Variants in SLC39A11 observed in about 807,000 individuals in gnomAD.
SLC39A11 encodes solute carrier family 39 member 11.
In SLC39A11, 33 loss-of-function variants were observed where a neutral mutation model predicts 36.1. The ratio of observed to expected loss-of-function variants is 0.91; its 90% confidence interval spans 0.69 to 1.22. The LOEUF is 1.22. SLC39A11 is among the 50% of genes most tolerant of loss of function. The pLI is 0.00. For synonymous variants in SLC39A11, 166 were observed against 170.3 expected (o/e 0.97, Z 0.20); for missense variants, 432 against 430.3 (o/e 1.00, Z -0.03).
rs140385271 is a variant in SLC39A11 at position 72,802,068 on chromosome 17, C to T, written c.601+47566G>A. On this transcript the variant is annotated intron_variant, in intron 6 of 9. Transcript: ENST00000255559. ...CTGGCCTACAGAAGGTTCGATGCAG[C>T]GCAGCTCTGATTAAGGGGATTAAGG... Among the ~76,000 whole-genome samples the T allele has an allele frequency of 1.1e-3, 161 of 152,300 alleles. 1 individual carries two copies. The South Asian group carries it at 0.013, about 12-fold the overall frequency.
At chr17:73,026,310 G>C (rs1038260350) in intron 4 of SLC39A11, among the ~76,000 whole-genome samples, 4 of 151,902 alleles carry the variant, frequency 2.6e-5, no homozygotes, top group Non-Finnish European at 5.9e-5. Context: ...GATTACCTGA[G>C]GTCAGGAGTT....
At chr17:72,707,590 G>A (rs928306092) in intron 7 of SLC39A11, among the ~76,000 whole-genome samples, 17 of 152,128 alleles carry the variant, frequency 1.1e-4, no homozygotes, top group South Asian at 2.1e-4. Context: ...AAATATTGAA[G>A]AACTCCTGTG....
At chr17:72,935,757 T>G (rs979613257) in intron 5 of SLC39A11, among the ~76,000 whole-genome samples, 2 of 152,040 alleles carry the variant, frequency 1.3e-5, no homozygotes, top group Non-Finnish European at 2.9e-5. Flanking sequence ...TAATTTTTTT[T>G]GTATTTTCGT....
intron 5 of SLC39A11, among the ~76,000 whole-genome samples, chr17:72,907,385 G>A (rs1214188264): frequency 6.6e-6 from 1 of 152,204 alleles, no homozygotes; most frequent in East Asian, 1.9e-4. Flanking sequence ...AGCTACTCGG[G>A]AGGCTGAGGC....
At chr17:72,852,452 A>C (rs180835033) in intron 5 of SLC39A11, among the ~76,000 whole-genome samples, 1 of 152,100 alleles carries the variant, frequency 6.6e-6, no homozygotes, top group Non-Finnish European at 1.5e-5. Context: ...CCTGACTCAC[A>C]TAACCAGCCT....
intron 5 of SLC39A11, among the ~76,000 whole-genome samples, chr17:72,878,773 T>A (rs994820011): frequency 6.6e-6 from 1 of 151,644 alleles, no homozygotes; most frequent in Non-Finnish European, 1.5e-5. Context: ...CAACATGGAG[T>A]GGGGGTAATT....
chr17:72,731,713 TTTTG>T (rs55797288), intron 7 of SLC39A11, among the ~76,000 whole-genome samples: 7,503 of 150,090 alleles, frequency 0.05, 187 homozygotes, highest in African/African-American at 0.063. Context: ...GCATTCCTTT[TTTTG>T]TTTGTTTGTT....
chr17:72,731,545 T>A (rs886179465), intron 7 of SLC39A11, among the ~76,000 whole-genome samples: 1 of 152,218 alleles, frequency 6.6e-6, no homozygotes, highest in Non-Finnish European at 1.5e-5. Flanking sequence ...TGCAGTTTTT[T>A]TTTTTAAATA....
chr17:73,037,374 G>A (rs1373155821), intron 3 of SLC39A11, among the ~76,000 whole-genome samples: 1 of 152,198 alleles, frequency 6.6e-6, no homozygotes, highest in Non-Finnish European at 1.5e-5. Context: ...TTAAATCTGG[G>A]TGTAGTGACA....
chr17:72,730,900 G>A (rs182402139), intron 7 of SLC39A11, among the ~76,000 whole-genome samples: 21 of 152,174 alleles, frequency 1.4e-4, no homozygotes, highest in Admixed American at 3.3e-4. Flanking sequence ...ATAGGTGTGC[G>A]CCACCACGTC....
chr17:72,681,000 A>G (rs2071488300), intron 7 of SLC39A11, among the ~76,000 whole-genome samples: 1 of 152,086 alleles, frequency 6.6e-6, no homozygotes, highest in Admixed American at 6.5e-5. Flanking sequence ...GGATTGCAGT[A>G]GCACAATCTT....
At chr17:72,929,296 CT>C (rs2084242036) in intron 5 of SLC39A11, among the ~76,000 whole-genome samples, 1 of 152,176 alleles carries the variant, frequency 6.6e-6, no homozygotes, top group Non-Finnish European at 1.5e-5. Context: ...CACTTAGGGG[CT>C]GCGGACCAGC....
intron 5 of SLC39A11, among the ~76,000 whole-genome samples, chr17:72,857,579 G>GTTGAACTAAT (rs2079714315): frequency 6.6e-6 from 1 of 152,164 alleles, no homozygotes; most frequent in African/African-American, 2.4e-5. Context: ...TTCAACAACG[G>GTTGAACTAAT]TTGAACTAAT....
chr17:72,981,594 C>CAAAA (rs11444135), intron 4 of SLC39A11, among the ~76,000 whole-genome samples: 18 of 131,238 alleles, frequency 1.4e-4, no homozygotes, highest in African/African-American at 2.5e-4. Flanking sequence ...TATTTAAATG[C>CAAAA]AAAAAAAAAA....
At chr17:72,682,114 A>C (rs2071534578) in intron 7 of SLC39A11, among the ~76,000 whole-genome samples, 1 of 152,200 alleles carries the variant, frequency 6.6e-6, no homozygotes, top group South Asian at 2.1e-4. Flanking sequence ...CAAGGGACCT[A>C]CGTTGTGATG....
At chr17:72,944,318 G>A (rs2085290839) in intron 5 of SLC39A11, among the ~76,000 whole-genome samples, 1 of 152,096 alleles carries the variant, frequency 6.6e-6, no homozygotes, top group Non-Finnish European at 1.5e-5. Context: ...ATATTTAAAT[G>A]GGGAAATTAA....
chr17:72,904,099 T>A (rs1278520333), intron 5 of SLC39A11, among the ~76,000 whole-genome samples: 2 of 152,078 alleles, frequency 1.3e-5, no homozygotes, highest in African/African-American at 2.4e-5. Flanking sequence ...GGAGGGCAGA[T>A]GACACAGAAA....
At chr17:73,005,811 T>C (rs1020537956) in intron 4 of SLC39A11, among the ~76,000 whole-genome samples, 44 of 151,978 alleles carry the variant, frequency 2.9e-4, no homozygotes, top group Admixed American at 2.5e-3. Flanking sequence ...ATTAGCCAGG[T>C]GTGGTGGCGC....
intron 4 of SLC39A11, among the ~76,000 whole-genome samples, chr17:72,965,251 A>T (rs1009150537): frequency 8.6e-5 from 13 of 151,520 alleles, no homozygotes; most frequent in East Asian, 7.7e-4. Flanking sequence ...AGTATAATTT[A>T]AAAAAAAAGA....
Sources: gnomAD v4.1 joint callset for allele counts (sites outside exome capture counted in the v4.1 genomes callset) on GRCh38, gnomAD v4.1.1 for gene constraint, MANE v1.5 for transcripts, NCBI Gene and HGNC (gene_info 2026-07-23, HGNC 2026-07-21) for gene names.